Variants in ZNF365 observed in about 807,000 individuals in gnomAD.
The protein encoded by ZNF365 is protein ZNF365.
ZNF365 carries 22 observed loss-of-function variants against 35.0 expected under a neutral mutation model. The observed-to-expected ratio is 0.63, with a 90% CI of 0.45 to 0.90. The LOEUF (loss-of-function observed/expected upper bound fraction) is 0.90, where lower values mean the gene tolerates loss of function less well. Among genes scored for constraint, ZNF365 ranks in the 40% least tolerant of loss-of-function variants. ZNF365 has a pLI of 0.00. For synonymous variants in ZNF365, 188 were observed against 196.2 expected (o/e 0.96, Z 0.35); for missense variants, 448 against 500.3 (o/e 0.90, Z 1.00).
chr10:62,388,943 T>C (rs12356848), intron 3 of ZNF365, among the ~76,000 whole-genome samples: 84,168 of 151,946 alleles, frequency 0.55, 25,088 homozygotes, highest in East Asian at 0.78. Flanking sequence ...TTGGAGGTCT[T>C]CAAGAGAATC....
In ZNF365 at chr10:62,388,449, A is replaced by G. The variant is rs766562467; in HGVS notation, c.797A>G (p.Gln266Arg). The G allele has an allele frequency of 6.2e-7, 1 of 1,614,242 alleles. No homozygotes were observed. Among genetic ancestry groups the G allele is most frequent in the Non-Finnish European group, 8.5e-7 (1 of 1,180,038 alleles). The stretch of plus-strand genomic sequence containing the variant: ...GAAGCGGCAGCTGAGAAGGAGGTTC[A>G]AGGGAAAGCCCGGCTCCAGGACTTT... ...FLEAAAEKEV[Q>R]GKARLQDFIE... The change falls in exon 3 of 5, where the codon CAA (glutamine) becomes CGA (arginine). Residue 266 changes from glutamine (Q) to arginine (R), a missense_variant. Transcript: ENST00000395254.
At position 62,389,753 on chromosome 10, in the gene ZNF365, G is replaced by A. The variant is rs74533261; in HGVS notation, c.924+1177G>A. 5.1e-3 allele frequency among the ~76,000 whole-genome samples: 783 copies of A among 152,326 alleles called. 5 individuals are homozygous for A. Among genetic ancestry groups the A allele is most frequent in the Non-Finnish European group, 7.4e-3 (506 of 68,042 alleles). ...GTAATCATGTACACTTGGCCTTAGC[G>A]CAGCTCAGTGATATAAGCCCCAGAA... On this transcript the variant is annotated intron_variant, in intron 3 of 4. Transcript: ENST00000395254.
At chr10:62,409,162 G>C (rs994349390) in intron 3 of ZNF365, among the ~76,000 whole-genome samples, 1 of 152,126 alleles carries the variant, frequency 6.6e-6, no homozygotes, top group Non-Finnish European at 1.5e-5. Flanking sequence ...TCGGTCCAAA[G>C]GAATTAACTT....
chr10:62,478,693 C>T (rs1387216841), intron 4 of ZNF365, among the ~76,000 whole-genome samples: 1 of 152,218 alleles, frequency 6.6e-6, no homozygotes, highest in Non-Finnish European at 1.5e-5. Context: ...CCTGCCTCAG[C>T]CTCCCATGTA....
At chr10:62,454,061 T>C (rs1026194073) in intron 3 of ZNF365, among the ~76,000 whole-genome samples, 3 of 152,216 alleles carry the variant, frequency 2.0e-5, no homozygotes, top group Admixed American at 6.5e-5. Flanking sequence ...CATTTTTTCC[T>C]TTTTAAACGT....
intron 3 of ZNF365, among the ~76,000 whole-genome samples, chr10:62,437,044 C>A (rs899361148): frequency 1.4e-4 from 21 of 152,154 alleles, no homozygotes; most frequent in Non-Finnish European, 3.1e-4. Context: ...TCAAATACCA[C>A]ATTTAAATGT....
chr10:62,399,183 G>A (rs148316371), intron 4 of ZNF365, among the ~76,000 whole-genome samples: 27 of 152,172 alleles, frequency 1.8e-4, no homozygotes, highest in East Asian at 5.8e-4. Context: ...TCTGCTAGTC[G>A]TCACTTAACA....
chr10:62,406,035 A>T (rs539446434), downstream of ZNF365, among the ~76,000 whole-genome samples: 7 of 152,294 alleles, frequency 4.6e-5, no homozygotes, highest in South Asian at 1.5e-3. Flanking sequence ...ATACCCGAGG[A>T]GCTTAGAGTG....
At chr10:62,444,467 A>G (rs1394473018) in intron 3 of ZNF365, among the ~76,000 whole-genome samples, 2 of 152,066 alleles carry the variant, frequency 1.3e-5, no homozygotes, top group Non-Finnish European at 2.9e-5. Context: ...AGTAGACTCT[A>G]GCAATTGTCT....
chr10:62,379,803 C>G (rs201453549), intron 2 of ZNF365, among the ~76,000 whole-genome samples: 2 of 152,158 alleles, frequency 1.3e-5, no homozygotes, highest in Non-Finnish European at 2.9e-5. Flanking sequence ...AAAGAGTTGG[C>G]CTTTCAGATA....
At position 62,441,300 on chromosome 10, in the gene ZNF365, C is replaced by T. The variant is rs181966363; in HGVS notation, c.925-18441C>T. On this transcript the variant is annotated intron_variant, in intron 3 of 4. Transcript: ENST00000395255. ...CACCCATTGGCAGTTTCTTTTTGCTCCCAGGTCCCACGTTGTTCATGAAGC... is the reference window on the plus strand; with the variant it reads ...CACCCATTGGCAGTTTCTTTTTGCTTCCAGGTCCCACGTTGTTCATGAAGC... Among the ~76,000 whole-genome samples the T allele has an allele frequency of 1.6e-3, 237 of 152,232 alleles. 1 individual carries two copies. The East Asian group carries it at 0.018, about 11-fold the overall frequency.
intron 3 of ZNF365, among the ~76,000 whole-genome samples, chr10:62,398,000 T>A (rs931305401): frequency 2.6e-5 from 4 of 152,232 alleles, no homozygotes; most frequent in African/African-American, 9.6e-5. Flanking sequence ...ACGTGAGCAG[T>A]GTACATTATA....
chr10:62,437,134 A>G (rs1029301613), intron 3 of ZNF365, among the ~76,000 whole-genome samples: 4 of 152,226 alleles, frequency 2.6e-5, no homozygotes, highest in African/African-American at 9.6e-5. Flanking sequence ...AAAGTCTTCC[A>G]CAATCTATAC....
Position 62,376,936 on chromosome 10 carries a change from A to C in ZNF365, c.743A>C (p.Glu248Ala). ...GAGGAGGAGCTTCTTAGGAAAGAAG[A>C]GTAAGTGTTGCTGACAGGGGATGCT... ...ESEEELLRKEEEVVTFNHFLE... is the reference protein window; with the variant it reads ...ESEEELLRKEAEVVTFNHFLE... Residue 248 changes from glutamate (E) to alanine (A), a missense_variant and splice_region_variant, in exon 2 of 5, where the codon GAA (glutamate) becomes GCA (alanine). Physicochemically the swap from Glu to Ala is moderately radical, Grantham distance 107 (BLOSUM62 -1). Coordinates refer to ENST00000395254, the MANE Select transcript of ZNF365 (RefSeq NM_014951.3). 6.3e-7 allele frequency: 1 copy of C among 1,598,800 alleles called. No homozygotes were observed. Among genetic ancestry groups the C allele is most frequent in the Non-Finnish European group, 8.5e-7 (1 of 1,173,698 alleles).
chr10:62,436,135 A>G lies in ZNF365; in HGVS notation c.925-23606A>G, dbSNP rs182039268. Among the ~76,000 whole-genome samples, 108 of 152,176 alleles carry G rather than the reference A, an allele frequency of 7.1e-4. 1 individual carries two copies. Among genetic ancestry groups the G allele is most frequent in the African/African-American group, 2.5e-3 (102 of 41,516 alleles). ...GAACGTCTTTGTGAGTTTCACTTAT[A>G]TATATATAAAGGAGCCACCACCATC... On this transcript the variant is annotated intron_variant, in intron 3 of 4. Transcript: ENST00000395255.
chr10:62,457,302 G>A (rs934598006), intron 3 of ZNF365, among the ~76,000 whole-genome samples: 62 of 152,226 alleles, frequency 4.1e-4, no homozygotes, highest in Admixed American at 1.7e-3. Flanking sequence ...TGAGAAGGAG[G>A]CAGAGAATAT....
intron 2 of ZNF365, among the ~76,000 whole-genome samples, chr10:62,381,921 T>C (rs1839446204): frequency 6.6e-6 from 1 of 152,198 alleles, no homozygotes; most frequent in Admixed American, 6.5e-5. Context: ...AAGACAAATC[T>C]TTATTGAGTG....
chr10:62,478,764 C>T (rs181111369), intron 4 of ZNF365, among the ~76,000 whole-genome samples: 173 of 152,144 alleles, frequency 1.1e-3, no homozygotes, highest in African/African-American at 4.1e-3. Context: ...TTAGTAGAGA[C>T]GGGGTTTCAC....
At chr10:62,442,400 G>A (rs1367071014) in intron 3 of ZNF365, among the ~76,000 whole-genome samples, 3 of 152,162 alleles carry the variant, frequency 2.0e-5, no homozygotes, top group African/African-American at 7.2e-5. Context: ...CAGATGAGAT[G>A]AGCAATCAAA....
Sources: allele counts gnomAD v4.1 joint callset (sites outside exome capture counted in the v4.1 genomes callset), GRCh38; gene constraint gnomAD v4.1.1; transcripts MANE v1.5; gene names NCBI Gene and HGNC (gene_info 2026-07-23, HGNC 2026-07-21).